Variants in ANKS1B observed in about 807,000 individuals in gnomAD.
ANKS1B encodes the protein ankyrin repeat and sterile alpha motif domain-containing protein 1B.
In ANKS1B, 36 loss-of-function variants were observed where a neutral mutation model predicts 148.3. The observed-to-expected ratio is 0.24, with a 90% CI of 0.19 to 0.32. ANKS1B has a LOEUF of 0.32. Among genes scored for constraint, ANKS1B ranks in the 10% least tolerant of loss-of-function variants. The probability of loss-of-function intolerance (pLI) is 1.00; values close to 1 mark genes in which losing one functional copy is unlikely to be tolerated. For missense variants in ANKS1B, 1,157 were observed against 1,542.6 expected (o/e 0.75, Z 4.19); for synonymous variants, 542 against 560.8 (o/e 0.97, Z 0.47).
At chr12:99,797,664 GA>G (rs374080704) in intron 4 of ANKS1B, among the ~76,000 whole-genome samples, 23 of 146,426 alleles carry the variant, frequency 1.6e-4, no homozygotes, top group African/African-American at 4.0e-4. Context: ...CCTTTTAGGG[GA>G]AAAAAAAAAG....
At chr12:99,537,778 C>T (rs1195558867) in intron 9 of ANKS1B, among the ~76,000 whole-genome samples, 3 of 151,924 alleles carry the variant, frequency 2.0e-5, no homozygotes, top group Non-Finnish European at 4.4e-5. Flanking sequence ...CCCATTTTTC[C>T]ATTTTTGCTG....
At chr12:98,741,394 A>C (rs2097797920), downstream of ANKS1B, among the ~76,000 whole-genome samples, 1 of 152,248 alleles carries the variant, frequency 6.6e-6, no homozygotes, top group Non-Finnish European at 1.5e-5. Flanking sequence ...CCCAGCCCAC[A>C]GATGAGTTCT....
intron 8 of ANKS1B, among the ~76,000 whole-genome samples, chr12:99,731,380 A>C (rs970784456): frequency 5.4e-5 from 8 of 147,088 alleles, no homozygotes; most frequent in East Asian, 2.1e-4. Context: ...CTGCCTCCCA[A>C]AGCGCTGGGA....
intron 17 of ANKS1B, among the ~76,000 whole-genome samples, chr12:98,992,017 A>C (rs1354731144): frequency 6.6e-6 from 1 of 152,206 alleles, no homozygotes; most frequent in Non-Finnish European, 1.5e-5. Context: ...GGCACAGACA[A>C]ATCACTCTGC....
intron 16 of ANKS1B, among the ~76,000 whole-genome samples, chr12:99,059,957 AAGTGAC>A (rs1433567019): frequency 6.6e-6 from 1 of 152,054 alleles, no homozygotes; most frequent in Non-Finnish European, 1.5e-5. Context: ...CAGGGCTAGG[AAGTGAC>A]AGCTCCATCG....
intron 17 of ANKS1B, among the ~76,000 whole-genome samples, chr12:98,882,819 T>C (rs2099713568): frequency 6.6e-6 from 1 of 152,018 alleles, no homozygotes; most frequent in South Asian, 2.1e-4. Flanking sequence ...CACATTAAGA[T>C]GTTAATGAAG....
At chr12:99,690,112 C>T (rs2098671016) in intron 8 of ANKS1B, among the ~76,000 whole-genome samples, 1 of 152,066 alleles carries the variant, frequency 6.6e-6, no homozygotes, top group Admixed American at 6.5e-5. Context: ...AGGGAAATGC[C>T]AGATGCTTAA....
rs1252788622 is a variant in ANKS1B, at chr12:98,829,202, C to T, written c.3038G>A (p.Arg1013Gln). The change falls in exon 19 of 27, where the codon CGA becomes CAA. Residue 1013 changes from arginine to glutamine, a missense_variant. Physicochemically the swap from Arg to Gln is conservative, Grantham distance 43. This residue lies in a region of ANKS1B where 258 missense variants were observed against 497.0 expected (regional missense o/e 0.52). Transcript: ENST00000683438. This position sits in a 1 kb window ranked among gnomAD's most constrained non-coding sequence, Gnocchi z 5.2. The stretch of plus-strand genomic sequence containing the variant: ...AGCCATCTGCCTCTCCAGTTTTGAT[C>T]GGGGAATATCATCAAAGTAGTTTTC... ...RNENYFDDIP[R>Q]SKLERQMAQQ... is the part of the protein sequence containing the mutation. 2 of 1,613,842 alleles carry T rather than the reference C, an allele frequency of 1.2e-6. No individual in the cohort carries two copies. Among genetic ancestry groups the T allele is most frequent in the African/African-American group, 1.3e-5 (1 of 74,922 alleles).
intron 12 of ANKS1B, among the ~76,000 whole-genome samples, chr12:99,260,081 C>A (rs1356004249): frequency 6.6e-6 from 1 of 152,060 alleles, no homozygotes; most frequent in African/African-American, 2.4e-5. Context: ...GAGGAAATAG[C>A]CTCTTTAACT....
intron 8 of ANKS1B, among the ~76,000 whole-genome samples, chr12:99,708,971 T>A (rs1431888494): frequency 2.0e-5 from 3 of 152,150 alleles, no homozygotes; most frequent in Non-Finnish European, 4.4e-5. Flanking sequence ...ACAATAAATG[T>A]AAATTAATTA....
chr12:98,894,893 C>T, intron 17 of ANKS1B: 1 of 967,320 alleles, frequency 1.0e-6, no homozygotes, highest in Non-Finnish European at 1.2e-6. Flanking sequence ...CGCGCGCCCC[C>T]CACTGCCCCC....
At chr12:99,916,103 T>C (rs944398731) in intron 1 of ANKS1B, among the ~76,000 whole-genome samples, 3 of 152,208 alleles carry the variant, frequency 2.0e-5, no homozygotes, top group Non-Finnish European at 4.4e-5. Context: ...TATTTATATT[T>C]GCAAAGAAGA....
chr12:99,821,974 A>C (rs1200856462), intron 2 of ANKS1B, among the ~76,000 whole-genome samples: 1 of 152,164 alleles, frequency 6.6e-6, no homozygotes, highest in East Asian at 1.9e-4. Flanking sequence ...AGATGATATA[A>C]GACAATATAG....
chr12:99,271,094 T>C (rs1158337689), intron 12 of ANKS1B, among the ~76,000 whole-genome samples: 2 of 152,242 alleles, frequency 1.3e-5, no homozygotes, highest in Non-Finnish European at 2.9e-5. Context: ...CTCTCTGGCA[T>C]AACATTCACT....
intron 1 of ANKS1B, among the ~76,000 whole-genome samples, chr12:99,859,904 T>G (rs1484536881): frequency 6.6e-6 from 1 of 152,186 alleles, no homozygotes; most frequent in Non-Finnish European, 1.5e-5. Context: ...TACCTTGGCC[T>G]CCCAAAGTGC....
At chr12:99,221,776 A>T (rs915691318) in intron 14 of ANKS1B, among the ~76,000 whole-genome samples, 1 of 152,196 alleles carries the variant, frequency 6.6e-6, no homozygotes, top group Non-Finnish European at 1.5e-5. Flanking sequence ...GGCAATACTT[A>T]TCAAAAGTAC....
chr12:99,781,602 A>G (rs1020487030), intron 5 of ANKS1B, among the ~76,000 whole-genome samples: 4 of 152,226 alleles, frequency 2.6e-5, no homozygotes, highest in Admixed American at 1.3e-4. Flanking sequence ...TACCTTAAAG[A>G]GAGGGAACTC....
chr12:99,615,282 CTTG>C lies in ANKS1B; in HGVS notation c.1272+39782_1272+39784del, dbSNP rs373288594. On this transcript the variant is annotated intron_variant, in intron 9 of 26. Coordinates refer to ENST00000683438, the MANE Select transcript of ANKS1B (RefSeq NM_001352186.2). ...ACATAATTTTGTTGGGATAATATGA[CTTG>C]TTGTCCTTTCTTATATTTCTCCTCA... Among the ~76,000 whole-genome samples, 857 of 152,236 alleles carry C rather than the reference CTTG, an allele frequency of 5.6e-3. 12 individuals carry two copies. The highest frequency in any genetic ancestry group is 0.02 in the African/African-American group (819 of 41,548).
chr12:98,956,693 T>C (rs1209237101), intron 17 of ANKS1B, among the ~76,000 whole-genome samples: 2 of 152,178 alleles, frequency 1.3e-5, no homozygotes, highest in Non-Finnish European at 2.9e-5. Flanking sequence ...AAGCTAGACA[T>C]TGAAAAAGCC....
Sources: allele counts gnomAD v4.1 joint callset (sites outside exome capture counted in the v4.1 genomes callset), GRCh38; gene constraint gnomAD v4.1.1; regional missense constraint gnomAD v4.1.1; non-coding constraint Gnocchi (gnomAD v3.1); transcripts MANE v1.5; gene names NCBI Gene and HGNC (gene_info 2026-07-23, HGNC 2026-07-21).